Variants in SLC36A1 observed in about 807,000 individuals in gnomAD.
The protein encoded by SLC36A1 is proton-coupled amino acid transporter 1.
A neutral mutation model predicts 47.5 loss-of-function variants in SLC36A1; 30 were observed. That is an observed-to-expected ratio of 0.63 (90% CI 0.47 to 0.86). The LOEUF (loss-of-function observed/expected upper bound fraction) is 0.86, where lower values mean the gene tolerates loss of function less well. Ranked by LOEUF, SLC36A1 falls within the 40% of genes least tolerant of loss-of-function variation. The probability of loss-of-function intolerance (pLI) is 0.00; values close to 1 mark genes in which losing one functional copy is unlikely to be tolerated. For missense variants in SLC36A1, 517 were observed against 606.0 expected, an observed-to-expected ratio of 0.85 and a Z score of 1.54; for synonymous variants, 255 against 249.7, an observed-to-expected ratio of 1.02 and a Z score of -0.20.
At chr5:151,498,631 C>T in the SLC36A1 span, among the ~76,000 whole-genome samples, 1 of 152,162 alleles carries the variant, frequency 6.6e-6, no homozygotes, top group African/African-American at 2.4e-5. Context: ...ATTTCCAAGC[C>T]TGTCTTTTGA....
the SLC36A1 span, among the ~76,000 whole-genome samples, chr5:151,424,163 G>A: frequency 6.6e-6 from 1 of 152,142 alleles, no homozygotes; most frequent in African/African-American, 2.4e-5. Context: ...GCCTCTCATT[G>A]CCTGGGTGTG....
the SLC36A1 span, among the ~76,000 whole-genome samples, chr5:151,531,033 G>A: frequency 6.6e-6 from 1 of 152,212 alleles, no homozygotes; most frequent in South Asian, 2.1e-4. The surrounding 1 kb of genome is among the most constrained non-coding windows in gnomAD (Gnocchi z 5.7). Context: ...GGCCTCTGAG[G>A]CCCTTCGGTG....
chr5:151,390,118 G>A, the SLC36A1 span, among the ~76,000 whole-genome samples: 37 of 152,136 alleles, frequency 2.4e-4, no homozygotes, highest in Non-Finnish European at 4.6e-4. Context: ...GATGTGAGAT[G>A]GTATCTCATT....
chr5:151,393,889 G>T, the SLC36A1 span, among the ~76,000 whole-genome samples: 22 of 152,232 alleles, frequency 1.4e-4, no homozygotes, highest in East Asian at 4.0e-3. Flanking sequence ...TCTTGGAGTT[G>T]TTCTTCTCGA....
At chr5:151,554,336 T>A in the SLC36A1 span, 2 of 1,595,530 alleles carry the variant, frequency 1.3e-6, no homozygotes, top group Non-Finnish European at 1.7e-6. Flanking sequence ...CACTCCTCCC[T>A]CCGTGGCTTC....
At chr5:151,510,117 T>A in the SLC36A1 span, 1 of 1,614,136 alleles carries the variant, frequency 6.2e-7, no homozygotes, top group South Asian at 1.1e-5. Flanking sequence ...AGTACAGTTC[T>A]CCCTTCCTTG....
chr5:151,386,260 C>G, the SLC36A1 span, among the ~76,000 whole-genome samples: 3 of 152,104 alleles, frequency 2.0e-5, no homozygotes, highest in African/African-American at 7.2e-5. Flanking sequence ...GGCTTCATGT[C>G]TATAAATGGC....
chr5:151,367,264 G>T, the SLC36A1 span, among the ~76,000 whole-genome samples: 4 of 152,010 alleles, frequency 2.6e-5, no homozygotes, highest in Non-Finnish European at 5.9e-5. Context: ...AAGCCTGAGG[G>T]TTCTGCGGGA....
the SLC36A1 span, chr5:151,517,829 CTT>C: frequency 1.9e-6 from 3 of 1,581,132 alleles, no homozygotes; most frequent in Non-Finnish European, 1.7e-6. Context: ...CTTGGACTGA[CTT>C]TGTCTTATTT....
intron 1 of SLC36A1, among the ~76,000 whole-genome samples, chr5:151,456,910 C>T (rs1035212489): frequency 1.3e-5 from 2 of 152,038 alleles, no homozygotes; most frequent in Non-Finnish European, 2.9e-5. Context: ...TGCTGGGTGT[C>T]GGGGCAGGGT....
chr5:151,505,252 C>G, the SLC36A1 span: 2 of 446,276 alleles, frequency 4.5e-6, no homozygotes, highest in Non-Finnish European at 8.0e-6. Context: ...GACTGAGAGC[C>G]GGCAGATCAG....
At chr5:151,405,950 C>T in the SLC36A1 span, among the ~76,000 whole-genome samples, 1 of 152,176 alleles carries the variant, frequency 6.6e-6, no homozygotes, top group East Asian at 1.9e-4. Flanking sequence ...GTAGATAGTG[C>T]TTAAGAGTGA....
At chr5:151,461,724 AT>A (rs34928684) in intron 2 of SLC36A1, among the ~76,000 whole-genome samples, 2 of 152,190 alleles carry the variant, frequency 1.3e-5, no homozygotes, top group Non-Finnish European at 2.9e-5. Flanking sequence ...TTGTCGTTGT[AT>A]TTTTCACTGC....
At chr5:151,417,191 G>A in the SLC36A1 span, among the ~76,000 whole-genome samples, 1 of 152,206 alleles carries the variant, frequency 6.6e-6, no homozygotes, top group Non-Finnish European at 1.5e-5. Context: ...ACTTGAAAAT[G>A]TGGAAATTAT....
At chr5:151,471,619 A>G (rs571768230) in intron 7 of SLC36A1, among the ~76,000 whole-genome samples, 1 of 152,330 alleles carries the variant, frequency 6.6e-6, no homozygotes, top group African/African-American at 2.4e-5. Flanking sequence ...AATACCTATT[A>G]CCCTGTCTTC....
intron 1 of SLC36A1, among the ~76,000 whole-genome samples, chr5:151,453,532 CTT>C (rs1753990776): frequency 6.6e-6 from 1 of 151,990 alleles, no homozygotes; most frequent in Non-Finnish European, 1.5e-5. Context: ...ATCTATTGAT[CTT>C]AATCCTCCTT....
chr5:151,428,307 TTC>T, the SLC36A1 span, among the ~76,000 whole-genome samples: 1 of 152,182 alleles, frequency 6.6e-6, no homozygotes. Flanking sequence ...CACTTGCAAT[TTC>T]TGTGACCTCA....
the SLC36A1 span, among the ~76,000 whole-genome samples, chr5:151,514,667 T>C: frequency 6.6e-6 from 1 of 152,226 alleles, no homozygotes; most frequent in South Asian, 2.1e-4. Context: ...TCACTACGTC[T>C]CTCTCCTGAG....
the SLC36A1 span, among the ~76,000 whole-genome samples, chr5:151,382,745 G>A: frequency 2.6e-4 from 40 of 152,286 alleles, no homozygotes; most frequent in African/African-American, 8.9e-4. Context: ...CTTTATGGCC[G>A]TGAGTGACAA....
Sources: gnomAD v4.1 joint callset for allele counts (sites outside exome capture counted in the v4.1 genomes callset) on GRCh38, gnomAD v4.1.1 for gene constraint, Gnocchi (gnomAD v3.1) non-coding constraint, MANE v1.5 for transcripts, NCBI Gene and HGNC (gene_info 2026-07-23, HGNC 2026-07-21) for gene names.